The following CPVL variants were observed in gnomAD, a reference collection of about 807,000 sequenced individuals.
The protein encoded by CPVL is probable serine carboxypeptidase CPVL.
In CPVL, 51 loss-of-function variants were observed where a neutral mutation model predicts 63.7. That is an observed-to-expected ratio of 0.80 (90% CI 0.64 to 1.01). CPVL has a LOEUF of 1.01. Ranked by LOEUF, CPVL falls within the 50% of genes least tolerant of loss-of-function variation. The probability of loss-of-function intolerance (pLI) is 0.00; values close to 1 mark genes in which losing one functional copy is unlikely to be tolerated. For synonymous variants in CPVL, 195 were observed against 206.0 expected, an observed-to-expected ratio of 0.95 and a Z score of 0.46; for missense variants, 530 against 573.1, an observed-to-expected ratio of 0.92 and a Z score of 0.77.
intron 6 of CPVL, among the ~76,000 whole-genome samples, chr7:29,091,491 T>G (rs568845723): frequency 1.0e-3 from 157 of 152,140 alleles, no homozygotes; most frequent in African/African-American, 3.6e-3. Context: ...TGAAGAAGCC[T>G]GTGAGGAGGA....
chr7:29,030,534 T>G, intron 12 of CPVL, 43 bp downstream of exon 12: 1 of 1,574,606 alleles, frequency 6.4e-7, no homozygotes, highest in Non-Finnish European at 8.6e-7. Context: ...TCAATCCCGC[T>G]CTCCCATTCC....
At chr7:29,009,187 T>TTAA (rs1456073419) in intron 12 of CPVL, 1 of 105,220 alleles carries the variant, frequency 9.5e-6, no homozygotes, top group African/African-American at 3.8e-5. Flanking sequence ...TTGATGGCAT[T>TTAA]AAAAAAAAAA....
intron 5 of CPVL, among the ~76,000 whole-genome samples, chr7:29,163,800 TCTTTCA>T (rs1227674744): frequency 1.3e-5 from 2 of 152,256 alleles, no homozygotes; most frequent in African/African-American, 4.8e-5. Flanking sequence ...TTAATTGGTA[TCTTTCA>T]CTTTGTGTAG....
chr7:29,102,186 G>C (rs572940253), intron 3 of CPVL, among the ~76,000 whole-genome samples: 69 of 152,204 alleles, frequency 4.5e-4, no homozygotes, highest in Non-Finnish European at 8.7e-4. Flanking sequence ...TAACTCCTCT[G>C]TGTTTCAGCG....
At chr7:29,014,579 C>T (rs1404635659) in intron 12 of CPVL, among the ~76,000 whole-genome samples, 2 of 151,978 alleles carry the variant, frequency 1.3e-5, no homozygotes, top group African/African-American at 2.4e-5. Context: ...TGGGCTCAAG[C>T]GATCCTCCCA....
chr7:29,167,266 C>G (rs891654486), intron 5 of CPVL, among the ~76,000 whole-genome samples: 3 of 152,108 alleles, frequency 2.0e-5, no homozygotes, highest in Non-Finnish European at 4.4e-5. Flanking sequence ...TTGTCAAATA[C>G]AATAATTCTA....
intron 9 of CPVL, among the ~76,000 whole-genome samples, chr7:29,068,698 GTT>G (rs1224426627): frequency 7.3e-6 from 1 of 137,122 alleles, no homozygotes; most frequent in Non-Finnish European, 1.6e-5. Context: ...TTTTTTCTTT[GTT>G]TTTTTTTTTT....
intron 5 of CPVL, among the ~76,000 whole-genome samples, chr7:29,093,233 C>T (rs1041441588): frequency 5.5e-4 from 84 of 151,862 alleles, no homozygotes; most frequent in South Asian, 2.1e-4. Context: ...GAAAATTAGC[C>T]GGGCATGATG....
intron 11 of CPVL, among the ~76,000 whole-genome samples, chr7:29,047,428 A>C (rs1789733754): frequency 6.6e-6 from 1 of 152,214 alleles, no homozygotes; most frequent in Non-Finnish European, 1.5e-5. Context: ...GAACAAATAG[A>C]AAAAAGAAAT....
intron 3 of CPVL, among the ~76,000 whole-genome samples, chr7:29,100,060 A>C (rs555926483): frequency 6.6e-6 from 1 of 152,322 alleles, no homozygotes; most frequent in South Asian, 2.1e-4. Context: ...TCCACTCACC[A>C]GTACTGCCTT....
intron 11 of CPVL, among the ~76,000 whole-genome samples, chr7:29,040,876 A>C (rs1356923511): frequency 6.6e-6 from 1 of 152,192 alleles, no homozygotes; most frequent in African/African-American, 2.4e-5. Flanking sequence ...AGCCAACTTG[A>C]AAAGGATCCA....
chr7:29,120,990 A>G lies in CPVL; in HGVS notation c.72T>C (p.Phe24=). Reference sequence around the variant, plus strand: ...TGGAAACACTTCTGTATAGGGAGCGAAACAGCCCATCACAGGGGCCAGGCA... The same window carrying G: ...TGGAAACACTTCTGTATAGGGAGCGGAACAGCCCATCACAGGGGCCAGGCA... The part of the protein sequence containing the change: ...LLMPGPCDGL[F]RSLYRSVSMP... Residue 24 remains phenylalanine (F), a synonymous_variant, in exon 2 of 13, where the codon TTT becomes TTC. Coordinates refer to ENST00000265394, the MANE Select transcript of CPVL (RefSeq NM_031311.5). 1 of 1,613,750 alleles carries G rather than the reference A, an allele frequency of 6.2e-7. No homozygotes were observed. Among genetic ancestry groups the G allele is most frequent in the Non-Finnish European group, 8.5e-7 (1 of 1,179,846 alleles).
chr7:29,144,209 G>A (rs568761178), intron 1 of CPVL, among the ~76,000 whole-genome samples: 1 of 152,182 alleles, frequency 6.6e-6, no homozygotes, highest in South Asian at 2.1e-4. Context: ...TAAAGCCATC[G>A]GAAATGGTAA....
chr7:29,000,776 A>T (rs1784554453), intron 12 of CPVL, among the ~76,000 whole-genome samples: 1 of 152,132 alleles, frequency 6.6e-6, no homozygotes. Context: ...GTATATTCAC[A>T]CTATCTTGTT....
chr7:29,012,231 A>T (rs1375236138), intron 12 of CPVL: 1 of 152,186 alleles, frequency 6.6e-6, no homozygotes, highest in Non-Finnish European at 1.5e-5. Flanking sequence ...TCCAGAAAAA[A>T]AATTCACTGT....
At chr7:29,111,758 G>C (rs764466479) in intron 3 of CPVL, among the ~76,000 whole-genome samples, 6 of 152,142 alleles carry the variant, frequency 3.9e-5, no homozygotes, top group Non-Finnish European at 7.3e-5. Context: ...GAGAAACAAC[G>C]TAACTTGAAA....
intron 12 of CPVL, chr7:29,009,736 A>C (rs763066564): frequency 1.6e-4 from 24 of 152,184 alleles, no homozygotes; most frequent in Non-Finnish European, 3.1e-4. Flanking sequence ...ATTAACAAAG[A>C]AAAAAGAAAG....
intron 5 of CPVL, among the ~76,000 whole-genome samples, chr7:29,166,544 G>C (rs537457057): frequency 7.2e-5 from 11 of 152,156 alleles, no homozygotes; most frequent in African/African-American, 2.4e-4. Context: ...AACTTTAATA[G>C]CTATTGAGCT....
intron 3 of CPVL, among the ~76,000 whole-genome samples, chr7:29,100,472 T>A (rs1227938125): frequency 6.6e-6 from 1 of 152,060 alleles, no homozygotes; most frequent in Admixed American, 6.6e-5. Flanking sequence ...CCTCTAAATA[T>A]CTCAGGCCTC....
Sources: gnomAD v4.1 joint callset for allele counts (sites outside exome capture counted in the v4.1 genomes callset) on GRCh38, gnomAD v4.1.1 for gene constraint, MANE v1.5 for transcripts, NCBI Gene and HGNC (gene_info 2026-07-23, HGNC 2026-07-21) for gene names.